Variants in DLGAP2 observed in about 807,000 individuals in gnomAD.
DLGAP2 encodes DLG associated protein 2.
DLGAP2 carries 26 observed loss-of-function variants against 100.3 expected under a neutral mutation model. The ratio of observed to expected loss-of-function variants is 0.26; its 90% CI spans 0.19 to 0.36. The LOEUF is 0.36. Among genes scored for constraint, DLGAP2 ranks in the 10% least tolerant of loss-of-function variants. DLGAP2 has a pLI of 1.00. For missense variants in DLGAP2, 1,858 were observed against 1,453.2 expected (o/e 1.28, Z -4.53); for synonymous variants, 886 against 630.1 (o/e 1.41, Z -6.08).
At chr8:1,435,530 G>A (rs553117718) in intron 3 of DLGAP2, among the ~76,000 whole-genome samples, 33 of 152,268 alleles carry the variant, frequency 2.2e-4, no homozygotes, top group East Asian at 5.8e-4. Flanking sequence ...AAGTGTAGCC[G>A]TAGAGGGATG....
At chr8:1,145,384 C>T (rs528175712) in intron 2 of DLGAP2, among the ~76,000 whole-genome samples, 1 of 152,296 alleles carries the variant, frequency 6.6e-6, no homozygotes, top group South Asian at 2.1e-4. Flanking sequence ...CGGTTCCACT[C>T]GCCCAGCGTG....
intron 2 of DLGAP2, among the ~76,000 whole-genome samples, chr8:1,084,449 A>G (rs1187548361): frequency 1.3e-5 from 2 of 152,182 alleles, no homozygotes; most frequent in Non-Finnish European, 2.9e-5. Context: ...AATTAGCTGT[A>G]CTCAGCATGC....
At chr8:1,613,408 G>A (rs1797044338) in intron 6 of DLGAP2, among the ~76,000 whole-genome samples, 2 of 151,976 alleles carry the variant, frequency 1.3e-5, no homozygotes, top group Admixed American at 6.6e-5. Context: ...GGGGGGAGCG[G>A]GGAGGGATAG....
intron 3 of DLGAP2, among the ~76,000 whole-genome samples, chr8:1,430,972 A>G (rs1464638034): frequency 1.3e-5 from 2 of 152,140 alleles, no homozygotes; most frequent in African/African-American, 4.8e-5. Context: ...CTTCTCTTTT[A>G]CTTCAAGTCT....
rs115699773 is a variant in DLGAP2, at chr8:924,986, G to C, written c.73+17020G>C. On this transcript the variant is annotated intron_variant, in intron 2 of 14. Coordinates refer to ENST00000637795, the MANE Select transcript of DLGAP2 (RefSeq NM_001346810.2). ...AATGGTGAAAGTGTAGGCACGTGTG[G>C]GTGATTGCTTGCTATTGGTGTATTG... is the stretch of plus-strand genomic sequence containing the variant. Among the ~76,000 whole-genome samples, 566 of 152,258 alleles carry C rather than the reference G, an allele frequency of 3.7e-3. 8 individuals are homozygous for C. Among genetic ancestry groups the C allele is most frequent in the African/African-American group, 0.013 (546 of 41,534 alleles).
intron 1 of DLGAP2, among the ~76,000 whole-genome samples, chr8:902,870 A>AGTGTGTGGGTGGGCAGGG (rs1335022916): frequency 8.8e-5 from 3 of 33,948 alleles, no homozygotes; most frequent in African/African-American, 1.2e-4. Context: ...GGGGGCGGAA[A>AGTGTGTGGGTGGGCAGGG]GTGTGTGGGT....
chr8:1,181,540 G>T (rs988666737), intron 2 of DLGAP2, among the ~76,000 whole-genome samples: 25 of 151,930 alleles, frequency 1.6e-4, no homozygotes, highest in Non-Finnish European at 1.5e-5. Context: ...GTGGGGCCGG[G>T]TTGAGGGTGG....
chr8:1,202,574 T>C (rs1270353855), intron 2 of DLGAP2, among the ~76,000 whole-genome samples: 3 of 152,106 alleles, frequency 2.0e-5, no homozygotes, highest in Non-Finnish European at 1.5e-5. Flanking sequence ...CCCCAGGAGA[T>C]GGGAGGTGTG....
chr8:1,334,882 G>A (rs1801239063), intron 3 of DLGAP2, among the ~76,000 whole-genome samples: 1 of 152,158 alleles, frequency 6.6e-6, no homozygotes, highest in Admixed American at 6.5e-5. Context: ...TCCTCTGAAT[G>A]TTCTTTCTTC....
chr8:1,427,916 A>G (rs1313905395), intron 3 of DLGAP2, among the ~76,000 whole-genome samples: 2 of 152,222 alleles, frequency 1.3e-5, no homozygotes, highest in African/African-American at 4.8e-5. Context: ...GCCGCAATGA[A>G]TATTGTAAAA....
rs565926755 is a variant in DLGAP2, at chr8:779,317, GGGAGCTGTAGACT to G, written c.18+41501_18+41513del. 1.5e-3 allele frequency among the ~76,000 whole-genome samples: 230 copies of G among 152,318 alleles called. 2 individuals are homozygous for G. The highest frequency in any genetic ancestry group is 4.2e-3 in the African/African-American group (175 of 41,566). On this transcript the variant is annotated intron_variant, in intron 1 of 14. Coordinates refer to ENST00000637795, the MANE Select transcript of DLGAP2 (RefSeq NM_001346810.2). ...ACCCGTCTTCTGCCTTGCTCATGCT[GGGAGCTGTAGACT>G]GGAGCTGTTCCTATTCGGCCATCTT...
intron 2 of DLGAP2, among the ~76,000 whole-genome samples, chr8:946,446 G>A (rs911301682): frequency 3.3e-5 from 5 of 151,764 alleles, no homozygotes; most frequent in Admixed American, 6.6e-5. Context: ...TGTAGTTTTT[G>A]TAGAGACGGG....
chr8:1,210,029 C>T (rs537044805), intron 2 of DLGAP2, among the ~76,000 whole-genome samples: 16 of 152,128 alleles, frequency 1.1e-4, no homozygotes, highest in African/African-American at 3.6e-4. Flanking sequence ...GGTGCTCAGT[C>T]ATCCACCTCG....
At chr8:1,083,719 A>G (rs1451001134) in intron 2 of DLGAP2, among the ~76,000 whole-genome samples, 2 of 152,190 alleles carry the variant, frequency 1.3e-5, no homozygotes, top group Admixed American at 1.3e-4. Context: ...ATCATTTGAA[A>G]GCATTAATTT....
chr8:1,644,468 T>A (rs1288830623), intron 8 of DLGAP2, among the ~76,000 whole-genome samples: 1 of 152,200 alleles, frequency 6.6e-6, no homozygotes, highest in Non-Finnish European at 1.5e-5. Context: ...GGCCCGCAGT[T>A]TCTTCCTTGA....
intron 2 of DLGAP2, among the ~76,000 whole-genome samples, chr8:1,114,394 C>G (rs762078934): frequency 1.3e-5 from 2 of 152,100 alleles, no homozygotes; most frequent in Non-Finnish European, 2.9e-5. Context: ...TTGGTCTGCT[C>G]AAGGAATCAG....
intron 1 of DLGAP2, among the ~76,000 whole-genome samples, chr8:753,269 C>T (rs1313038475): frequency 6.6e-6 from 1 of 152,172 alleles, no homozygotes; most frequent in Admixed American, 6.5e-5. Context: ...ACAAACTTTA[C>T]AAACGCGTCT....
At chr8:793,813 T>G (rs970397450) in intron 1 of DLGAP2, among the ~76,000 whole-genome samples, 6 of 152,366 alleles carry the variant, frequency 3.9e-5, no homozygotes, top group Admixed American at 3.3e-4. Context: ...TTATTTTGTT[T>G]TACAGAACCA....
chr8:1,095,492 CAG>C (rs747463955), intron 2 of DLGAP2, among the ~76,000 whole-genome samples: 3 of 152,194 alleles, frequency 2.0e-5, no homozygotes, highest in Non-Finnish European at 1.5e-5. Flanking sequence ...TGAAGTGATT[CAG>C]AGTCTACTTC....
Sources: gnomAD v4.1 joint callset for allele counts (sites outside exome capture counted in the v4.1 genomes callset) on GRCh38, gnomAD v4.1.1 for gene constraint, MANE v1.5 for transcripts, NCBI Gene and HGNC (gene_info 2026-07-23, HGNC 2026-07-21) for gene names.